MAP3K12: variants seen among roughly 807,000 people sequenced by gnomAD.
MAP3K12 encodes the protein mitogen-activated protein kinase kinase kinase 12, also known as MAPK-upstream kinase.
Under a neutral mutation model 87.5 loss-of-function variants are expected in MAP3K12, and 14 were observed. That is an observed-to-expected ratio of 0.16 (90% confidence interval 0.11 to 0.25). The LOEUF is 0.25. MAP3K12 is among the 10% of genes least tolerant of loss of function. The probability of loss-of-function intolerance (pLI) is 1.00; values close to 1 mark genes in which losing one functional copy is unlikely to be tolerated. For synonymous variants in MAP3K12, 469 were observed against 452.5 expected (o/e 1.04, Z -0.46); for missense variants, 802 against 1,140.4 (o/e 0.70, Z 4.27).
At chr12:53,484,821 G>T in intron 6 of MAP3K12, 1 of 572,424 alleles carries the variant, frequency 1.7e-6, no homozygotes, top group Non-Finnish European at 3.1e-6. Context: ...GGCACTTCAT[G>T]ACAAATCAGG....
At position 53,483,649 on chromosome 12, in the gene MAP3K12, G is replaced by C. The variant is rs1206557269; in HGVS notation, c.1433C>G (p.Ala478Gly). ...CTTGAGTTCCAGCTGCAACATGAGG[G>C]CATTAAGTTCCATATACAGGTTGTT... Reference protein sequence around the residue: ...RANNLYMELNALMLQLELKER... With the variant: ...RANNLYMELNGLMLQLELKER... The change falls in exon 9 of 14, where the codon GCC becomes GGC. Residue 478 changes from alanine (A) to glycine (G), a missense_variant. Coordinates refer to ENST00000547488, the MANE Select transcript of MAP3K12 (RefSeq NM_001193511.2). 4.3e-6 allele frequency: 7 copies of C among 1,613,916 alleles called. No homozygotes were observed. The highest frequency in any genetic ancestry group is 5.9e-6 in the Non-Finnish European group (7 of 1,180,032).
rs1478030335 is a variant in MAP3K12, at chr12:53,482,364, A to G, written c.2244T>C (p.Arg748=). Residue 748 remains arginine, a synonymous_variant, in exon 12 of 14, where the codon CGT becomes CGC. Transcript: ENST00000547488. ...CTTCCTCCTCTTCCGATGAGATGCC[A>G]CGTTTCTGCAGGAGAGATGGGGTGG... ...YRAAVTRSQK[R]GISSEEEEGE... is the part of the protein sequence containing the mutation. The G allele has an allele frequency of 5.0e-6, 8 of 1,613,390 alleles. 1 individual carries two copies. In the South Asian group the frequency reaches 8.8e-5, roughly 18 times the overall value.
intron 13 of MAP3K12, 83 bp from the exon 14 acceptor site, chr12:53,481,363 G>T: frequency 1.4e-6 from 1 of 695,106 alleles, no homozygotes; most frequent in Non-Finnish European, 2.1e-6. Flanking sequence ...TTACTGATTT[G>T]TTTTTTAAGA....
intron 4 of MAP3K12, 77 bp downstream of exon 4, chr12:53,485,979 G>C (rs1943217849): frequency 7.1e-7 from 1 of 1,409,242 alleles, no homozygotes; most frequent in African/African-American, 1.4e-5. Context: ...GGCATGGTTT[G>C]GAAGCCGGGA....
chr12:53,483,345 C>T lies in MAP3K12; in HGVS notation c.1613+4G>A. ...ATATTGGAACCACAGTACTCATGTC[C>T]CACCTTTTGCTATGGGGTGACAGCT... On this transcript the variant is annotated splice_donor_region_variant and intron_variant, in intron 10 of 13. Transcript: ENST00000547488. 6.2e-7 allele frequency: 1 copy of T among 1,613,638 alleles called. No homozygotes were observed. Among genetic ancestry groups the T allele is most frequent in the Non-Finnish European group, 8.5e-7 (1 of 1,179,750 alleles).
chr12:53,482,530 A>G, intron 11 of MAP3K12, 35 bp downstream of exon 11: 1 of 1,595,566 alleles, frequency 6.3e-7, no homozygotes, highest in Non-Finnish European at 8.5e-7. Flanking sequence ...GATAAGGAAA[A>G]AGGGAAAGAG....
chr12:53,485,289 T>A, intron 5 of MAP3K12, 28 bp downstream of exon 5: 1 of 1,607,460 alleles, frequency 6.2e-7, no homozygotes, highest in South Asian at 1.1e-5. Flanking sequence ...GGCCACCCAC[T>A]CTTCTCAGTT....
Position 53,482,877 on chromosome 12 carries a change from C to T in MAP3K12, c.1926G>A (p.Ser642=), listed in dbSNP as rs76907875. ...HDLLLRKMSS[S]SPDLLSAALG... ...GTGCTGCTGACAGCAGGTCTGGGGA[C>T]GATGAAGACATTTTGCGGAGCAGGA... Residue 642 remains serine, a synonymous_variant, in exon 11 of 14, where the codon TCG becomes TCA. Transcript: ENST00000547488. The T allele has an allele frequency of 2.4e-4, 387 of 1,612,754 alleles. No homozygotes were observed. In the East Asian group the frequency reaches 6.6e-3, roughly 28 times the overall value.
intron 4 of MAP3K12, 79 bp downstream of exon 4, chr12:53,485,977 T>G: frequency 7.1e-7 from 1 of 1,400,320 alleles, no homozygotes. Flanking sequence ...AGGGCATGGT[T>G]TGGAAGCCGG....
Position 53,479,865 on chromosome 12 carries a change from G to A in MAP3K12, c.*1317C>T, listed in dbSNP as rs1372524153. The stretch of plus-strand genomic sequence containing the variant: ...TGGGTTTTATTCCTCTTGTCTTGCT[G>A]TTATTTTTGTACCTTTTATCCCTCA... On this transcript the variant is annotated 3_prime_UTR_variant, in exon 14 of 14. Coordinates refer to ENST00000547488, the MANE Select transcript of MAP3K12 (RefSeq NM_001193511.2). 1 of 154,332 alleles carries A rather than the reference G, an allele frequency of 6.5e-6. No homozygotes were observed. Among genetic ancestry groups the A allele is most frequent in the Non-Finnish European group, 1.4e-5 (1 of 69,636 alleles). 9.6% of individuals were successfully genotyped at this position (154,332 alleles called of 1,614,324 possible).
chr12:53,497,966 T>G (rs994559614), intron 1 of MAP3K12, among the ~76,000 whole-genome samples: 10 of 152,164 alleles, frequency 6.6e-5, no homozygotes, highest in African/African-American at 2.4e-4. Context: ...TTAGAAGGGT[T>G]CTGCCCTCTT....
upstream of MAP3K12, chr12:53,500,192 GTC>G (rs1943654275): frequency 6.7e-6 from 1 of 150,280 alleles, no homozygotes; most frequent in African/African-American, 2.5e-5. Context: ...TTTTAATGTG[GTC>G]TCTCCCTTTC....
chr12:53,486,275 C>T lies in MAP3K12; in HGVS notation c.630-28G>A, dbSNP rs1943225068. 6.4e-7 allele frequency: 1 copy of T among 1,571,938 alleles called. No individual in the cohort carries two copies. The highest frequency in any genetic ancestry group is 8.6e-7 in the Non-Finnish European group (1 of 1,157,116). ...GGGAGCCAAACAATGGTATGAAGGC[C>T]TCAGCTGGCTCAGCATTCACCTGAT... On this transcript the variant is annotated intron_variant, in intron 3 of 13. Transcript: ENST00000547488. This position sits in a 1 kb window ranked among gnomAD's most constrained non-coding sequence, Gnocchi z 4.9.
chr12:53,484,196 A>T (rs1943161779), intron 7 of MAP3K12, 61 bp downstream of exon 7: 2 of 1,497,326 alleles, frequency 1.3e-6, no homozygotes, highest in South Asian at 2.3e-5. Context: ...CCTCCCCCTC[A>T]AATAGCATCA....
chr12:53,486,086 T>C lies in MAP3K12; in HGVS notation c.791A>G (p.Lys264Arg), dbSNP rs1943220068. The C allele has an allele frequency of 6.2e-7, 1 of 1,612,340 alleles. No homozygotes were observed. Among genetic ancestry groups the C allele is most frequent in the South Asian group, 1.1e-5 (1 of 90,892 alleles). Reference sequence around the variant, plus strand: ...TGACTTGAGATCCCTGTGGATAATCTTGTGCAGGTGCAGGTAGTTCATGCC... The same window carrying C: ...TGACTTGAGATCCCTGTGGATAATCCTGTGCAGGTGCAGGTAGTTCATGCC... ...AGGMNYLHLH[K>R]IIHRDLKSPN... Residue 264 changes from lysine (K) to arginine (R), a missense_variant, in exon 4 of 14, where the codon AAG becomes AGG. This residue lies in a region of MAP3K12 where 21 missense variants were observed against 136.9 expected (regional missense o/e 0.15). Coordinates refer to ENST00000547488, the MANE Select transcript of MAP3K12 (RefSeq NM_001193511.2). This position sits in a 1 kb window ranked among gnomAD's most constrained non-coding sequence, Gnocchi z 4.9.
intron 8 of MAP3K12, 37 bp from the exon 9 acceptor site, chr12:53,483,760 G>C: frequency 6.2e-7 from 1 of 1,613,366 alleles, no homozygotes; most frequent in Non-Finnish European, 8.5e-7. Context: ...GGTGAACTGG[G>C]TTCACCTAGG....
Position 53,483,420 on chromosome 12 carries a change from C to G in MAP3K12, c.1542G>C (p.Leu514=), listed in dbSNP as rs750146528. The G allele has an allele frequency of 6.2e-7, 1 of 1,614,022 alleles. No homozygotes were observed. The highest frequency in any genetic ancestry group is 1.7e-5 in the Admixed American group (1 of 60,000). The change falls in exon 10 of 14, where the codon CTG becomes CTC. Residue 514 remains leucine (L), a synonymous_variant. Coordinates refer to ENST00000547488, the MANE Select transcript of MAP3K12 (RefSeq NM_001193511.2). ...LLKPHPSRGL[L]HGNTMEKLIK... is the part of the protein sequence containing the mutation. Reference sequence around the variant, plus strand: ...TAAGCTTCTCCATTGTGTTTCCATGCAGGAGGCCCCGGGAAGGGTGTGGCT... The same window carrying G: ...TAAGCTTCTCCATTGTGTTTCCATGGAGGAGGCCCCGGGAAGGGTGTGGCT...
intron 1 of MAP3K12, among the ~76,000 whole-genome samples, chr12:53,497,784 A>G (rs935874685): frequency 1.3e-5 from 2 of 152,164 alleles, no homozygotes; most frequent in Non-Finnish European, 2.9e-5. Context: ...AGTCCACCCT[A>G]GCAAGGACTT....
Position 53,481,948 on chromosome 12 carries a change from CTG to C in MAP3K12, c.2571_2572del (p.Glu859AlafsTer7). 6.2e-7 allele frequency: 1 copy of C among 1,611,882 alleles called. No homozygotes were observed. The highest frequency in any genetic ancestry group is 1.3e-5 in the African/African-American group (1 of 75,032). On this transcript the variant is annotated frameshift_variant, in exon 13 of 14. Coordinates refer to ENST00000547488, the MANE Select transcript of MAP3K12 (RefSeq NM_001193511.2). LOFTEE classifies it high-confidence loss of function. ...TGCTGTTGTGCCACTCACCCGCTCT[CTG>C]AGAAGTTCCTGGTGTGGAATGGGCA...
Sources: gnomAD v4.1 joint callset for allele counts (sites outside exome capture counted in the v4.1 genomes callset) on GRCh38, gnomAD v4.1.1 for gene constraint, gnomAD v4.1.1 regional missense constraint, Gnocchi (gnomAD v3.1) non-coding constraint, MANE v1.5 for transcripts, NCBI Gene and HGNC (gene_info 2026-07-23, HGNC 2026-07-21) for gene names.